The following PDE3A variants were observed in gnomAD, a reference collection of about 807,000 sequenced individuals.
The protein encoded by PDE3A is phosphodiesterase 3A.
A neutral mutation model predicts 98.3 loss-of-function variants in PDE3A; 43 were observed. That is an observed-to-expected ratio of 0.44 (90% CI 0.34 to 0.56). The LOEUF is 0.56. Ranked by LOEUF, PDE3A falls within the 20% of genes least tolerant of loss-of-function variation. The pLI is 0.01. For missense variants in PDE3A, 1,427 were observed against 1,440.7 expected (o/e 0.99, Z 0.15); for synonymous variants, 663 against 567.9 (o/e 1.17, Z -2.38).
chr12:20,497,085 C>T (rs2121068000), intron 1 of PDE3A, among the ~76,000 whole-genome samples: 1 of 152,182 alleles, frequency 6.6e-6, no homozygotes, highest in East Asian at 1.9e-4. Context: ...TTATTAGATC[C>T]TTCTTCTCAA....
At chr12:20,640,817 C>T (rs1157007364) in intron 10 of PDE3A, among the ~76,000 whole-genome samples, 2 of 151,914 alleles carry the variant, frequency 1.3e-5, no homozygotes, top group African/African-American at 2.4e-5. Context: ...AATCATGTAA[C>T]ACATGAAGGA....
chr12:20,385,663 A>G (rs1259395185), intron 1 of PDE3A, among the ~76,000 whole-genome samples: 2 of 151,620 alleles, frequency 1.3e-5, no homozygotes, highest in South Asian at 2.1e-4. Flanking sequence ...GCTGGAAACC[A>G]TCATTCTCAG....
At chr12:20,443,699 A>G (rs1944906812) in intron 1 of PDE3A, among the ~76,000 whole-genome samples, 2 of 152,310 alleles carry the variant, frequency 1.3e-5, no homozygotes, top group Admixed American at 6.5e-5. Context: ...TAAATTAAGG[A>G]TTAAGTATGG....
At chr12:20,529,437 C>T (rs1421180431) in intron 1 of PDE3A, among the ~76,000 whole-genome samples, 2 of 152,000 alleles carry the variant, frequency 1.3e-5, no homozygotes, top group Non-Finnish European at 2.9e-5. Flanking sequence ...GCCCTAACAC[C>T]TCAGAATGTT....
Position 20,634,960 on chromosome 12 carries a change from C to A in PDE3A, c.1905C>A (p.Asp635Glu). The part of the protein sequence containing the change: ...YETNNNSDSS[D>E]IVQNEDETEC... ...CCAATAACAACAGTGACAGCAGTGA[C>A]ATTGTACAGAATGAAGATGAAACAG... The change falls in exon 8 of 16, where the codon GAC (aspartate) becomes GAA (glutamate). Residue 635 changes from aspartate to glutamate, a missense_variant. By Grantham distance (45) the Asp-to-Glu change is conservative. This residue lies in a region of PDE3A where 1,012 missense variants were observed against 886.5 expected (regional missense o/e 1.14). Transcript: ENST00000359062. 1 of 1,610,740 alleles carries A rather than the reference C, an allele frequency of 6.2e-7. No homozygotes were observed. The highest frequency in any genetic ancestry group is 8.5e-7 in the Non-Finnish European group (1 of 1,176,994).
chr12:20,517,269 T>C (rs930551421), intron 1 of PDE3A, among the ~76,000 whole-genome samples: 4 of 152,156 alleles, frequency 2.6e-5, no homozygotes, highest in African/African-American at 9.7e-5. Context: ...TTGATCTAGG[T>C]ACCAGGAATA....
intron 1 of PDE3A, among the ~76,000 whole-genome samples, chr12:20,542,143 T>A (rs530631568): frequency 1.9e-4 from 29 of 152,174 alleles, no homozygotes; most frequent in African/African-American, 6.7e-4. Context: ...TGTCTTTTGC[T>A]GAAGGTTTCT....
chr12:20,673,836 C>T (rs1159535308), intron 15 of PDE3A, among the ~76,000 whole-genome samples: 3 of 140,554 alleles, frequency 2.1e-5, no homozygotes, highest in African/African-American at 8.1e-5. Context: ...TACCCTAAAA[C>T]TTAAAGTATA....
intron 2 of PDE3A, among the ~76,000 whole-genome samples, chr12:20,584,583 A>G (rs907296638): frequency 2.6e-5 from 4 of 152,102 alleles, no homozygotes; most frequent in African/African-American, 9.7e-5. Flanking sequence ...AAAATATTTT[A>G]TTTTAAAAAA....
chr12:20,631,912 G>C (rs957520120), intron 6 of PDE3A, among the ~76,000 whole-genome samples: 1 of 146,518 alleles, frequency 6.8e-6, no homozygotes, highest in African/African-American at 2.5e-5. Context: ...TAGGCACAGA[G>C]AGCTCCAGAA....
At chr12:20,677,118 T>C (rs948245960) in intron 15 of PDE3A, among the ~76,000 whole-genome samples, 2 of 152,184 alleles carry the variant, frequency 1.3e-5, no homozygotes, top group Non-Finnish European at 2.9e-5. Context: ...CTTGATATAG[T>C]CTATTGTTAA....
intron 1 of PDE3A, among the ~76,000 whole-genome samples, chr12:20,418,662 G>T (rs887104913): frequency 2.0e-5 from 3 of 151,712 alleles, no homozygotes; most frequent in Admixed American, 1.3e-4. Context: ...TATCATGCCC[G>T]TGGCAACTGT....
At chr12:20,484,494 C>T (rs1384280332) in intron 1 of PDE3A, among the ~76,000 whole-genome samples, 1 of 152,150 alleles carries the variant, frequency 6.6e-6, no homozygotes, top group African/African-American at 2.4e-5. Context: ...TCTGTGATTT[C>T]TGAAGGAAAG....
intron 1 of PDE3A, among the ~76,000 whole-genome samples, chr12:20,429,187 C>T (rs1944654044): frequency 6.6e-6 from 1 of 152,190 alleles, no homozygotes; most frequent in Admixed American, 6.5e-5. Context: ...AAATACATAA[C>T]ATAGTGAATT....
At chr12:20,611,397 C>T (rs1018435155) in intron 2 of PDE3A, among the ~76,000 whole-genome samples, 2 of 151,264 alleles carry the variant, frequency 1.3e-5, no homozygotes, top group African/African-American at 4.8e-5. Context: ...TATTTAAGCA[C>T]ATAAAATTAA....
At chr12:20,526,071 C>T (rs930307834) in intron 1 of PDE3A, among the ~76,000 whole-genome samples, 1 of 152,138 alleles carries the variant, frequency 6.6e-6, no homozygotes, top group Non-Finnish European at 1.5e-5. Context: ...TATTTTGAAA[C>T]TCTTAATGCC....
At chr12:20,588,630 A>G (rs1208110883) in intron 2 of PDE3A, among the ~76,000 whole-genome samples, 1 of 1,092 alleles carries the variant, frequency 9.2e-4, no homozygotes, top group East Asian at 0.1. Context: ...ACCTGAGCAT[A>G]CTACAAACAA....
chr12:20,398,937 C>G (rs1399900386), intron 1 of PDE3A, among the ~76,000 whole-genome samples: 3 of 152,100 alleles, frequency 2.0e-5, no homozygotes, highest in African/African-American at 7.2e-5. Context: ...TTCATCTTCC[C>G]AAACTGATAC....
chr12:20,643,819 T>C (rs1012322531), intron 10 of PDE3A, among the ~76,000 whole-genome samples: 2 of 152,162 alleles, frequency 1.3e-5, no homozygotes, highest in Non-Finnish European at 2.9e-5. Flanking sequence ...AGTTTGTTTT[T>C]TGTTTTTTTG....
Sources: allele counts gnomAD v4.1 joint callset (sites outside exome capture counted in the v4.1 genomes callset), GRCh38; gene constraint gnomAD v4.1.1; regional missense constraint gnomAD v4.1.1; transcripts MANE v1.5; gene names NCBI Gene and HGNC (gene_info 2026-07-23, HGNC 2026-07-21).